GP2: variants seen among roughly 807,000 people sequenced by gnomAD.
GP2 encodes pancreatic secretory granule membrane major glycoprotein GP2.
In GP2, 58 loss-of-function variants were observed where a neutral mutation model predicts 60.8. That is an observed-to-expected ratio of 0.95 (90% confidence interval 0.77 to 1.19). The LOEUF (loss-of-function observed/expected upper bound fraction) is 1.19, where lower values mean the gene tolerates loss of function less well. Among genes scored for constraint, GP2 ranks in the 50% most tolerant of loss-of-function variants. The pLI is 0.00. For synonymous variants in GP2, 280 were observed against 253.4 expected, an observed-to-expected ratio of 1.10 and a Z score of -1.00; for missense variants, 647 against 667.4, an observed-to-expected ratio of 0.97 and a Z score of 0.34.
In GP2 at chr16:20,319,739, G is replaced by C; in HGVS notation, c.888C>G (p.Asn296Lys). 6.2e-7 allele frequency: 1 copy of C among 1,612,980 alleles called. No homozygotes were observed. The highest frequency in any genetic ancestry group is 8.5e-7 in the Non-Finnish European group (1 of 1,178,938). ...ERNQTHAIYKNTLSLVNDFII... is the reference protein window; with the variant it reads ...ERNQTHAIYKKTLSLVNDFII... ...TGAAATCATTGACCAAGGAGAGGGT[G>C]TTTTTGTAGATGGCATGGGTTTGAT... Residue 296 changes from asparagine (N) to lysine (K), a missense_variant, in exon 6 of 11, where the codon AAC (asparagine) becomes AAG (lysine). By Grantham distance (94) the Asn-to-Lys change is moderately conservative. Coordinates refer to ENST00000302555, the MANE Select transcript of GP2 (RefSeq NM_001502.4).
In GP2 at chr16:20,318,185, C is replaced by T; in HGVS notation, c.1253G>A (p.Ser418Asn). ...TGATAATTCCAGAATTGCTCGTTAC[C>T]TGTTTCTGATGATGAAATACTTCAC... Reference protein sequence around the residue: ...DLVKYFIIRNSCSNQRDSTIH... With the variant: ...DLVKYFIIRNNCSNQRDSTIH... The change falls in exon 7 of 11, where the codon AGC becomes AAC. Residue 418 changes from serine (S) to asparagine (N), a missense_variant and splice_region_variant. Coordinates refer to ENST00000302555, the MANE Select transcript of GP2 (RefSeq NM_001502.4). 6.2e-7 allele frequency: 1 copy of T among 1,612,784 alleles called. No individual in the cohort carries two copies. The highest frequency in any genetic ancestry group is 8.5e-7 in the Non-Finnish European group (1 of 1,178,784).
intron 3 of GP2, 82 bp from the exon 4 acceptor site, chr16:20,323,061 C>T (rs936781077): frequency 4.1e-6 from 3 of 730,376 alleles, no homozygotes; most frequent in Non-Finnish European, 7.2e-6. Flanking sequence ...CCTTTCATTT[C>T]ACCGGGGCAC....
At chr16:20,320,551 C>A in intron 4 of GP2, 78 bp from the exon 5 acceptor site, 1 of 919,812 alleles carries the variant, frequency 1.1e-6, no homozygotes. Context: ...GTAACATCTC[C>A]ATGACCCAGA....
At chr16:20,325,296 A>C (rs974972124) in intron 2 of GP2, among the ~76,000 whole-genome samples, 7 of 152,216 alleles carry the variant, frequency 4.6e-5, no homozygotes, top group Admixed American at 2.6e-4. Context: ...TTTGTCATAC[A>C]TGTGTTTGCC....
rs916814071 is a variant in GP2 at position 20,309,671 on chromosome 16, A to C, written c.*1552T>G. 5 of 152,192 alleles carry C rather than the reference A, an allele frequency of 3.3e-5. No individual in the cohort carries two copies. Among genetic ancestry groups the C allele is most frequent in the Admixed American group, 2.6e-4 (4 of 15,274 alleles). The allele number at this position is 152,192 out of a possible 1,614,324, so 9.4% of individuals were successfully genotyped here. On this transcript the variant is annotated 3_prime_UTR_variant, in exon 11 of 11. Coordinates refer to ENST00000302555, the MANE Select transcript of GP2 (RefSeq NM_001502.4). ...AAACAAAAGCGATGCAAAAATACACAGTCATAAAAGGCTATGTGGCTTCAG... is the reference window on the plus strand; with the variant it reads ...AAACAAAAGCGATGCAAAAATACACCGTCATAAAAGGCTATGTGGCTTCAG...
Position 20,326,427 on chromosome 16 carries a change from G to A in GP2, c.5C>T (p.Pro2Leu). M[P>L]HLMERMVGSG... ...GCCCACCATCCTTTCCATAAGGTGA[G>A]GCATGCAGGTCACTTTGCTGTATGC... The change falls in exon 2 of 11, where the codon CCT becomes CTT. Residue 2 changes from proline (P) to leucine (L), a missense_variant. Physicochemically the swap from Pro to Leu is moderately conservative, Grantham distance 98 (BLOSUM62 -3). Coordinates refer to ENST00000302555, the MANE Select transcript of GP2 (RefSeq NM_001502.4). 1 of 1,612,772 alleles carries A rather than the reference G, an allele frequency of 6.2e-7. No individual in the cohort carries two copies. The highest frequency in any genetic ancestry group is 8.5e-7 in the Non-Finnish European group (1 of 1,178,790).
intron 2 of GP2, among the ~76,000 whole-genome samples, chr16:20,326,075 C>G (rs1478617784): frequency 6.6e-6 from 1 of 152,204 alleles, no homozygotes; most frequent in Non-Finnish European, 1.5e-5. Flanking sequence ...TCTGGGGTCT[C>G]TAATCTCCCA....
chr16:20,318,502 A>T, intron 6 of GP2, 72 bp from the exon 7 acceptor site: 1 of 1,410,540 alleles, frequency 7.1e-7, no homozygotes, highest in Non-Finnish European at 9.8e-7. Context: ...CTTACTTAAC[A>T]CACTTACGAA....
chr16:20,320,216 A>G (rs1298322843), intron 5 of GP2, 46 bp downstream of exon 5: 1 of 1,362,446 alleles, frequency 7.3e-7, no homozygotes, highest in African/African-American at 1.4e-5. Context: ...AGGTCCCATC[A>G]GCCCAACACA....
In GP2 at chr16:20,324,129, T is replaced by A. The variant is rs1964459017; in HGVS notation, c.222A>T (p.Arg74=). 3 of 1,614,112 alleles carry A rather than the reference T, an allele frequency of 1.9e-6. No individual in the cohort carries two copies. Among genetic ancestry groups the A allele is most frequent in the Non-Finnish European group, 2.5e-6 (3 of 1,179,936 alleles). The change falls in exon 3 of 11, where the codon CGA becomes CGT. Residue 74 remains arginine (R), a synonymous_variant. Transcript: ENST00000302555. The part of the protein sequence containing the change: ...QNYTLLDEPF[R]STENSAGSQG... ...GGGACCCTGCTGAGTTCTCTGTGCT[T>A]CGGAAGGGTTCATCCAGGAGGGTGT...
chr16:20,323,530 G>T, intron 3 of GP2: 1 of 617,914 alleles, frequency 1.6e-6, no homozygotes. Context: ...GGCTCAGGGA[G>T]GCAAATTAAA....
Position 20,326,660 on chromosome 16 carries a change from C to A in GP2, c.-36-193G>T, listed in dbSNP as rs1403580794. 5.7e-6 allele frequency: 3 copies of A among 529,292 alleles called. No homozygotes were observed. The African/African-American group carries it at 5.8e-5, about 10-fold the overall frequency. The allele number at this position is 529,292 out of a possible 1,614,324, so 32.8% of individuals were successfully genotyped here. ...GCAAGCTTAGAGCTGGCTAGTACTG[C>A]AGAATGTCCTAGAAAGGTCTCAGGA... On this transcript the variant is annotated intron_variant, in intron 1 of 10. Transcript: ENST00000302555.
chr16:20,314,810 A>AG, intron 9 of GP2, 109 bp from the exon 10 acceptor site: 2 of 810,456 alleles, frequency 2.5e-6, no homozygotes, highest in Non-Finnish European at 4.4e-6. Flanking sequence ...CGCAACCACC[A>AG]GCAAGTTTGT....
rs2141588557 is a variant in GP2 at position 20,311,165 on chromosome 16, G to A, written c.*58C>T. On this transcript the variant is annotated 3_prime_UTR_variant, in exon 11 of 11. Transcript: ENST00000302555. ...TGGAGTGGAAAGCAGAAGTGCTGAA[G>A]GGAGCCATTGCCAGAGGGAAGAACA... 9.9e-7 allele frequency: 1 copy of A among 1,011,476 alleles called. No individual in the cohort carries two copies. Among genetic ancestry groups the A allele is most frequent in the Non-Finnish European group, 1.6e-6 (1 of 630,166 alleles). The allele number at this position is 1,011,476 out of a possible 1,614,324, so 62.7% of individuals were successfully genotyped here.
intron 1 of GP2, chr16:20,327,231 T>A: frequency 3.1e-6 from 1 of 324,618 alleles, no homozygotes; most frequent in South Asian, 2.7e-5. Flanking sequence ...AGTTCCCTGG[T>A]GGGAATATCT....
Position 20,316,002 on chromosome 16 carries a change from G to A in GP2, c.1455C>T (p.Ala485=). ...AATCTAGAACCCGGGCTAGGTCGAT[G>A]GCCGGTACTTCACTGCGGACTTGAC... ...SRSQVRSEVP[A]IDLARVLDLG... The change falls in exon 9 of 11, where the codon GCC becomes GCT. Residue 485 remains alanine (A), a synonymous_variant. Transcript: ENST00000302555. 1.2e-6 allele frequency: 2 copies of A among 1,613,332 alleles called. No individual in the cohort carries two copies. Among genetic ancestry groups the A allele is most frequent in the Non-Finnish European group, 1.7e-6 (2 of 1,179,322 alleles).
intron 4 of GP2, among the ~76,000 whole-genome samples, chr16:20,322,059 C>T (rs1420954811): frequency 6.6e-6 from 1 of 152,206 alleles, no homozygotes. Context: ...CCCTCATTTC[C>T]CAGGGTGCTT....
chr16:20,313,779 C>T (rs1357483487), intron 10 of GP2, among the ~76,000 whole-genome samples: 5 of 152,170 alleles, frequency 3.3e-5, no homozygotes, highest in East Asian at 1.9e-4. Context: ...TGCCAGCTTT[C>T]GGGAATGTCT....
In GP2 at chr16:20,324,167, G is replaced by A. The variant is rs1212385629; in HGVS notation, c.184C>T (p.Pro62Ser). ...TCCAGGAGGGTGTAATTCTGACAGG[G>A]GTCAAAACAGACATGAGCCTCTGGG... ...GTPEAHVCFD[P>S]CQNYTLLDEP... Residue 62 changes from proline (P) to serine (S), a missense_variant, in exon 3 of 11, where the codon CCC becomes TCC. Coordinates refer to ENST00000302555, the MANE Select transcript of GP2 (RefSeq NM_001502.4). 6.2e-7 allele frequency: 1 copy of A among 1,613,790 alleles called. No homozygotes were observed. Among genetic ancestry groups the A allele is most frequent in the Admixed American group, 1.7e-5 (1 of 60,034 alleles).
Sources: allele counts gnomAD v4.1 joint callset (sites outside exome capture counted in the v4.1 genomes callset), GRCh38; gene constraint gnomAD v4.1.1; transcripts MANE v1.5; gene names NCBI Gene and HGNC (gene_info 2026-07-23, HGNC 2026-07-21).